RPP30: variants seen among roughly 807,000 people sequenced by gnomAD.
RPP30 encodes ribonuclease P protein subunit p30.
Under a neutral mutation model 38.6 loss-of-function variants are expected in RPP30, and 36 were observed. The ratio of observed to expected loss-of-function variants is 0.93; its 90% confidence interval spans 0.71 to 1.23. The LOEUF (loss-of-function observed/expected upper bound fraction) is 1.23. RPP30 is among the 50% of genes most tolerant of loss of function. The pLI is 0.00. For synonymous variants in RPP30, 126 were observed against 112.7 expected (o/e 1.12, Z -0.75); for missense variants, 321 against 321.7 (o/e 1.00, Z 0.02).
At chr10:90,907,194 C>T (rs935720133), downstream of RPP30, among the ~76,000 whole-genome samples, 1 of 152,160 alleles carries the variant, frequency 6.6e-6, no homozygotes, top group Non-Finnish European at 1.5e-5. Flanking sequence ...ATGGTGGTAA[C>T]ACGTTGAAGT....
At chr10:90,902,245 T>A (rs758601972), downstream of RPP30, 181 of 606,014 alleles carry the variant, frequency 3.0e-4, no homozygotes, top group Non-Finnish European at 3.7e-4. Flanking sequence ...TGAGACAGGG[T>A]CTCACTCTGT....
rs953519716 is a variant in RPP30 at position 90,875,626 on chromosome 10, G to A, written c.195+12G>A. ...TGCCAATTGTACAGGTAGGTGTTTT[G>A]TTGTTTACGAAGCATAATATCTATT... On this transcript the variant is annotated intron_variant, in intron 3 of 10. Coordinates refer to ENST00000371703, the MANE Select transcript of RPP30 (RefSeq NM_006413.5). 1 of 1,607,660 alleles carries A rather than the reference G, an allele frequency of 6.2e-7. No individual in the cohort carries two copies. Among genetic ancestry groups the A allele is most frequent in the South Asian group, 1.1e-5 (1 of 90,946 alleles).
chr10:90,902,315 T>C, downstream of RPP30: 1 of 394,468 alleles, frequency 2.5e-6, no homozygotes, highest in Non-Finnish European at 4.9e-6. Context: ...CCTCTTGGGC[T>C]CAAGCCATCC....
intron 6 of RPP30, among the ~76,000 whole-genome samples, chr10:90,890,841 CA>C (rs2120215063): frequency 6.6e-6 from 1 of 151,258 alleles, no homozygotes; most frequent in South Asian, 2.1e-4. Context: ...TGAACAATAC[CA>C]AAAAATGGAT....
rs1443706812 is a variant in RPP30 at position 90,872,001 on chromosome 10, A to C, written c.15A>C (p.Ala5=). The C allele has an allele frequency of 6.2e-7, 1 of 1,613,982 alleles. No individual in the cohort carries two copies. Among genetic ancestry groups the C allele is most frequent in the Admixed American group, 1.7e-5 (1 of 60,018 alleles). ...GGGACTTCAGCATGGCGGTGTTTGC[A>C]GATTTGGACCTGCGAGCGGGTTCTG... MAVF[A]DLDLRAGSDL... is the part of the protein sequence containing the mutation. The change falls in exon 1 of 11, where the codon GCA becomes GCC. Residue 5 remains alanine, a synonymous_variant. Coordinates refer to ENST00000371703, the MANE Select transcript of RPP30 (RefSeq NM_006413.5).
At chr10:90,885,157 T>A (rs902865902) in intron 5 of RPP30, among the ~76,000 whole-genome samples, 1 of 152,200 alleles carries the variant, frequency 6.6e-6, no homozygotes, top group South Asian at 2.1e-4. Context: ...ATGCAGAGTA[T>A]TACTCAACAA....
At chr10:90,876,894 G>A (rs895955075) in intron 4 of RPP30, among the ~76,000 whole-genome samples, 3 of 152,104 alleles carry the variant, frequency 2.0e-5, no homozygotes, top group Admixed American at 6.6e-5. Flanking sequence ...TTGGGTGTAG[G>A]ATGATTACTC....
At chr10:90,894,752 A>C in intron 6 of RPP30, 23 bp from the exon 7 acceptor site, 2 of 1,540,504 alleles carry the variant, frequency 1.3e-6, no homozygotes, top group Non-Finnish European at 1.8e-6. Flanking sequence ...TATCTCTGAC[A>C]GTTCTCTTTA....
chr10:90,885,705 A>G lies in RPP30; in HGVS notation c.343-107A>G, dbSNP rs982759751. On this transcript the variant is annotated intron_variant, in intron 5 of 10. Coordinates refer to ENST00000371703, the MANE Select transcript of RPP30 (RefSeq NM_006413.5). ...GATGTATTTCAACACAGAACCATCA[A>G]AACACCTATGGAGTGAACCATACTT... is the stretch of plus-strand genomic sequence containing the variant. The G allele has an allele frequency of 1.0e-5, 7 of 693,804 alleles. No individual in the cohort carries two copies. In the African/African-American group the frequency reaches 1.3e-4, roughly 13 times the overall value. 43.0% of individuals were successfully genotyped at this position (693,804 alleles called of 1,614,324 possible).
chr10:90,892,018 C>T (rs1469920333), intron 6 of RPP30, among the ~76,000 whole-genome samples: 4 of 152,294 alleles, frequency 2.6e-5, no homozygotes, highest in South Asian at 4.1e-4. Context: ...ACTTTCTTCT[C>T]GTCTTTCTCT....
At chr10:90,895,372 T>TA (rs1847128226) in intron 7 of RPP30, 82 bp from the exon 8 acceptor site, 1 of 788,708 alleles carries the variant, frequency 1.3e-6, no homozygotes, top group Non-Finnish European at 2.0e-6. Context: ...AATGTTAAAA[T>TA]ATGATTACTG....
chr10:90,888,718 C>G (rs1847034697), intron 6 of RPP30, among the ~76,000 whole-genome samples: 1 of 152,122 alleles, frequency 6.6e-6, no homozygotes, highest in Non-Finnish European at 1.5e-5. Context: ...CACCCCACCC[C>G]CTGATTCCAT....
At chr10:90,878,998 A>G (rs982757247) in intron 4 of RPP30, 65 bp from the exon 5 acceptor site, 1 of 1,315,862 alleles carries the variant, frequency 7.6e-7, no homozygotes. Context: ...TGAGTCAATC[A>G]CTAGACAGAA....
intron 6 of RPP30, among the ~76,000 whole-genome samples, chr10:90,892,597 C>T (rs1327931880): frequency 6.6e-6 from 1 of 152,136 alleles, no homozygotes; most frequent in East Asian, 1.9e-4. Flanking sequence ...AAGCATCCAA[C>T]TCTATATATC....
chr10:90,882,105 A>G lies in RPP30; in HGVS notation c.342+2971A>G, dbSNP rs560370509. Among the ~76,000 whole-genome samples, 13 of 152,280 alleles carry G rather than the reference A, an allele frequency of 8.5e-5. No individual in the cohort carries two copies. In the South Asian group the frequency reaches 2.7e-3, roughly 32 times the overall value. On this transcript the variant is annotated intron_variant, in intron 5 of 10. Transcript: ENST00000371703. ...GGATGGGGGACAGCTGTGGAATATG[A>G]CACAGAGAGAGAGTTGCATAGAAGC...
At chr10:90,891,433 G>T (rs1441520252) in intron 6 of RPP30, among the ~76,000 whole-genome samples, 1 of 152,158 alleles carries the variant, frequency 6.6e-6, no homozygotes, top group Non-Finnish European at 1.5e-5. Flanking sequence ...CATCTACAGT[G>T]ACCCTATTTC....
Position 90,879,143 on chromosome 10 carries a change from C to T in RPP30, c.342+9C>T. On this transcript the variant is annotated intron_variant, in intron 5 of 10. Coordinates refer to ENST00000371703, the MANE Select transcript of RPP30 (RefSeq NM_006413.5). ...CAGAAAAGCTTTTTCATGTGAGTAACAGATAAGTAAAAGAAAGTAGTGTAT... is the reference window on the plus strand; with the variant it reads ...CAGAAAAGCTTTTTCATGTGAGTAATAGATAAGTAAAAGAAAGTAGTGTAT... The T allele has an allele frequency of 2.5e-6, 4 of 1,605,338 alleles. No individual in the cohort carries two copies. The highest frequency in any genetic ancestry group is 3.4e-6 in the Non-Finnish European group (4 of 1,172,220).
At chr10:90,899,582 A>G (rs1043256801) in intron 10 of RPP30, among the ~76,000 whole-genome samples, 1 of 151,832 alleles carries the variant, frequency 6.6e-6, no homozygotes, top group Non-Finnish European at 1.5e-5. Context: ...TCCAAACTCT[A>G]TTTTCTCCTA....
intron 5 of RPP30, among the ~76,000 whole-genome samples, chr10:90,883,286 G>A (rs1846956447): frequency 8.8e-6 from 1 of 114,156 alleles, no homozygotes; most frequent in Non-Finnish European, 2.0e-5. Flanking sequence ...AGGAGTCTCT[G>A]GCCAAAAAAA....
Sources: allele counts gnomAD v4.1 joint callset (sites outside exome capture counted in the v4.1 genomes callset), GRCh38; gene constraint gnomAD v4.1.1; transcripts MANE v1.5; gene names NCBI Gene and HGNC (gene_info 2026-07-23, HGNC 2026-07-21).